Variants in CHD6 observed in about 807,000 individuals in gnomAD.
The protein encoded by CHD6 is chromodomain helicase DNA binding protein 6, also known as ATP-dependent chromatin remodeler CHD6.
In CHD6, 50 loss-of-function variants were observed where a neutral mutation model predicts 276.9. That is an observed-to-expected ratio of 0.18 (90% confidence interval 0.14 to 0.23). The LOEUF is 0.23. Among genes scored for constraint, CHD6 ranks in the 10% least tolerant of loss-of-function variants. The pLI, the probability that CHD6 is intolerant of heterozygous loss-of-function variation, is 1.00. For missense variants in CHD6, 2,564 were observed against 3,365.8 expected (o/e 0.76, Z 5.89); for synonymous variants, 1,173 against 1,229.3 (o/e 0.95, Z 0.96).
intron 16 of CHD6, among the ~76,000 whole-genome samples, chr20:41,480,909 C>T (rs2043279688): frequency 6.6e-6 from 1 of 151,764 alleles, no homozygotes; most frequent in African/African-American, 2.4e-5. Context: ...AATATTAAGG[C>T]CAGAAGAACC....
rs1184687170 is a variant in CHD6, at chr20:41,402,944, C to A, written c.*1649G>T. On this transcript the variant is annotated 3_prime_UTR_variant, in exon 37 of 37. Transcript: ENST00000373233. ...CAGTTATAGAATTTCTGGTTTATAT[C>A]TCTGATTCATAAAACTGGGACTCCA... is the stretch of plus-strand genomic sequence containing the variant. The A allele has an allele frequency of 1.5e-5, 3 of 206,846 alleles. No homozygotes were observed. Among genetic ancestry groups the A allele is most frequent in the Non-Finnish European group, 3.0e-5 (3 of 101,142 alleles). The allele number at this position is 206,846 out of a possible 1,614,324, so 12.8% of individuals were successfully genotyped here.
chr20:41,561,786 T>C (rs2045304127), intron 1 of CHD6, among the ~76,000 whole-genome samples: 1 of 152,244 alleles, frequency 6.6e-6, no homozygotes, highest in Non-Finnish European at 1.5e-5. Context: ...TCCATTGTTC[T>C]ATTCCTTCCA....
rs139039655 is a variant in CHD6, at chr20:41,586,019, C to T, written c.-24+32321G>A. 2.0e-3 allele frequency among the ~76,000 whole-genome samples: 304 copies of T among 152,230 alleles called. 5 individuals are homozygous for T. In the East Asian group the frequency reaches 0.025, roughly 12 times the overall value. ...AGGGCTCACTAAAATACAAATTAGG[C>T]TAAAAGCAGGAGGTAAAGAAATAGT... On this transcript the variant is annotated intron_variant, in intron 1 of 36. Coordinates refer to ENST00000373233, the MANE Select transcript of CHD6 (RefSeq NM_032221.5).
rs555006676 is a variant in CHD6, at chr20:41,522,972, G to A, written c.555-8020C>T. On this transcript the variant is annotated intron_variant, in intron 3 of 36. Coordinates refer to ENST00000373233, the MANE Select transcript of CHD6 (RefSeq NM_032221.5). ...AAATATATATATATATGCAGGAGTGGGTAGGAAAATGAATCTTTCTTCCTA... is the reference window on the plus strand; with the variant it reads ...AAATATATATATATATGCAGGAGTGAGTAGGAAAATGAATCTTTCTTCCTA... Among the ~76,000 whole-genome samples, 47 of 152,136 alleles carry A rather than the reference G, an allele frequency of 3.1e-4. 2 individuals carry two copies. The South Asian group carries it at 9.1e-3, about 30-fold the overall frequency.
intron 1 of CHD6, among the ~76,000 whole-genome samples, chr20:41,580,546 G>C (rs1342446253): frequency 6.7e-6 from 1 of 149,562 alleles, no homozygotes; most frequent in Non-Finnish European, 1.5e-5. Context: ...TGTGGTCCCA[G>C]CTACTTGGAA....
chr20:41,452,889 G>A lies in CHD6; in HGVS notation c.3174C>T (p.Asn1058=). Residue 1058 remains asparagine, a synonymous_variant, in exon 21 of 37, where the codon AAC becomes AAT. Transcript: ENST00000373233. The surrounding 1 kb of genome is among the most constrained non-coding windows in gnomAD (Gnocchi z 4.2). ...PRVRKQTKHY[N]SFEEDELMEF... The stretch of plus-strand genomic sequence containing the variant: ...CCATGAGCTCGTCTTCCTCAAACGA[G>A]TTGTAGTGTTTGGTCTGCTTTCTCA... 2 of 1,613,734 alleles carry A rather than the reference G, an allele frequency of 1.2e-6. No homozygotes were observed. Among genetic ancestry groups the A allele is most frequent in the Middle Eastern group, 1.7e-4 (1 of 6,060 alleles).
intron 5 of CHD6, among the ~76,000 whole-genome samples, chr20:41,504,253 C>G (rs1427263752): frequency 6.6e-6 from 1 of 151,818 alleles, no homozygotes; most frequent in Non-Finnish European, 1.5e-5. Context: ...TCTGCTGCAT[C>G]TAATCTACTT....
chr20:41,440,765 A>T (rs2145601293), intron 25 of CHD6, among the ~76,000 whole-genome samples: 1 of 152,356 alleles, frequency 6.6e-6, no homozygotes, highest in South Asian at 2.1e-4. Flanking sequence ...TTGTTTGATA[A>T]AGTCCATGTG....
chr20:41,443,111 T>C (rs1400139541), intron 25 of CHD6, among the ~76,000 whole-genome samples: 2 of 152,246 alleles, frequency 1.3e-5, no homozygotes, highest in Non-Finnish European at 2.9e-5. Flanking sequence ...TCACCTCAAC[T>C]GACAATCTGT....
rs573605078 is a variant in CHD6, at chr20:41,404,764, C to T, written c.7977G>A (p.Lys2659=). 6.2e-7 allele frequency: 1 copy of T among 1,604,286 alleles called. No individual in the cohort carries two copies. The highest frequency in any genetic ancestry group is 1.3e-5 in the African/African-American group (1 of 74,656). The change falls in exon 37 of 37, where the codon AAG becomes AAA. Residue 2659 remains lysine (K), a synonymous_variant. Coordinates refer to ENST00000373233, the MANE Select transcript of CHD6 (RefSeq NM_032221.5). ...GLESQKRKKK[K]TKGDNPNSHP... ...GGGAGTTGGGGTTGTCCCCCTTTGT[C>T]TTCTTCTTCTTCCTCTTCTGGCTCT... is the stretch of plus-strand genomic sequence containing the variant.
Position 41,489,949 on chromosome 20 carries a change from T to C in CHD6, c.1509A>G (p.Ile503Met). 2 of 1,614,026 alleles carry C rather than the reference T, an allele frequency of 1.2e-6. No homozygotes were observed. Among genetic ancestry groups the C allele is most frequent in the Non-Finnish European group, 1.7e-6 (2 of 1,179,942 alleles). ...TIQSITFLSE[I>M]FLRGIHGPFL... Reference sequence around the variant, plus strand: ...AAGGGCCGTGGATTCCTCTCAGAAATATTTCTGAAAGGAATGTGATGGACT... The same window carrying C: ...AAGGGCCGTGGATTCCTCTCAGAAACATTTCTGAAAGGAATGTGATGGACT... The change falls in exon 12 of 37, where the codon ATA (isoleucine) becomes ATG (methionine). Residue 503 changes from isoleucine (I) to methionine (M), a missense_variant. Ile to Met is a conservative substitution (Grantham distance 10). Around this residue, in one of 7 missense-constraint regions of CHD6, gnomAD observed 457 missense variants for 889.0 expected, o/e 0.51. Coordinates refer to ENST00000373233, the MANE Select transcript of CHD6 (RefSeq NM_032221.5).
chr20:41,412,069 T>C (rs914011560), intron 36 of CHD6, 75 bp downstream of exon 36: 9 of 1,569,052 alleles, frequency 5.7e-6, no homozygotes, highest in Admixed American at 1.9e-5. Context: ...GCTGGGGCTT[T>C]CTCTCAAGTA....
chr20:41,575,004 G>C (rs1409008179), intron 1 of CHD6, among the ~76,000 whole-genome samples: 1 of 152,158 alleles, frequency 6.6e-6, no homozygotes, highest in Non-Finnish European at 1.5e-5. Flanking sequence ...CTTCACTTTA[G>C]CCTCTGATTG....
intron 27 of CHD6, 186 bp downstream of exon 27, chr20:41,437,088 A>G (rs1481329276): frequency 1.8e-6 from 1 of 568,742 alleles, no homozygotes; most frequent in Non-Finnish European, 3.1e-6. Context: ...CTCAAAATAA[A>G]AAGTTTAATT....
chr20:41,613,034 G>C (rs950173058), intron 1 of CHD6, among the ~76,000 whole-genome samples: 4 of 152,088 alleles, frequency 2.6e-5, no homozygotes, highest in African/African-American at 7.2e-5. Flanking sequence ...ATAAGGCTCT[G>C]AGAACTTTAA....
chr20:41,613,746 T>A (rs1037316463), intron 1 of CHD6, among the ~76,000 whole-genome samples: 3 of 152,194 alleles, frequency 2.0e-5, no homozygotes, highest in African/African-American at 7.2e-5. Context: ...TGGAAAGGTA[T>A]GGCGATAGGG....
intron 2 of CHD6, among the ~76,000 whole-genome samples, chr20:41,537,702 G>A (rs1251185794): frequency 6.6e-6 from 1 of 152,124 alleles, no homozygotes; most frequent in Non-Finnish European, 1.5e-5. Flanking sequence ...ACCCACCTAA[G>A]ATGGCTATAA....
At chr20:41,598,458 G>T (rs966982048) in intron 1 of CHD6, among the ~76,000 whole-genome samples, 2 of 152,140 alleles carry the variant, frequency 1.3e-5, no homozygotes, top group African/African-American at 2.4e-5. Context: ...AAACAAAAGC[G>T]ACTGTTAACG....
intron 1 of CHD6, among the ~76,000 whole-genome samples, chr20:41,567,114 C>T (rs2045363766): frequency 6.6e-6 from 1 of 152,156 alleles, no homozygotes; most frequent in African/African-American, 2.4e-5. Context: ...TCTCTTCCCA[C>T]CCTAAAAGGC....
Sources: allele counts gnomAD v4.1 joint callset (sites outside exome capture counted in the v4.1 genomes callset), GRCh38; gene constraint gnomAD v4.1.1; regional missense constraint gnomAD v4.1.1; non-coding constraint Gnocchi (gnomAD v3.1); transcripts MANE v1.5; gene names NCBI Gene and HGNC (gene_info 2026-07-23, HGNC 2026-07-21).